The following PTPRD variants were observed in gnomAD, a reference collection of about 807,000 sequenced individuals.
The protein encoded by PTPRD is protein tyrosine phosphatase receptor type D.
In PTPRD, 34 loss-of-function variants were observed where a neutral mutation model predicts 214.5. That is an observed-to-expected ratio of 0.16 (90% CI 0.12 to 0.21). The LOEUF (loss-of-function observed/expected upper bound fraction) is 0.21. Among genes scored for constraint, PTPRD ranks in the 10% least tolerant of loss-of-function variants. PTPRD has a pLI of 1.00. For missense variants in PTPRD, 2,545 were observed against 2,398.7 expected (o/e 1.06, Z -1.27); for synonymous variants, 1,128 against 845.7 (o/e 1.33, Z -5.79).
intron 3 of PTPRD, among the ~76,000 whole-genome samples, chr9:10,132,960 ATTT>A (rs71306732): frequency 6.6e-6 from 1 of 151,646 alleles, no homozygotes; most frequent in Non-Finnish European, 1.5e-5. Context: ...CAAGATTGTT[ATTT>A]TGTAGCTTCT....
chr9:9,040,093 G>C (rs958835359), intron 10 of PTPRD, among the ~76,000 whole-genome samples: 2 of 152,080 alleles, frequency 1.3e-5, no homozygotes, highest in African/African-American at 4.8e-5. Context: ...CTCTGTGCTA[G>C]GCTCACAGAT....
intron 10 of PTPRD, among the ~76,000 whole-genome samples, chr9:9,148,788 T>C (rs563957320): frequency 1.3e-5 from 2 of 152,340 alleles, no homozygotes; most frequent in South Asian, 4.1e-4. Flanking sequence ...CATTCAGTGA[T>C]ATTTATTTCA....
At chr9:10,437,424 T>C (rs1271811147) in intron 2 of PTPRD, among the ~76,000 whole-genome samples, 1 of 151,808 alleles carries the variant, frequency 6.6e-6, no homozygotes, top group Admixed American at 6.6e-5. Flanking sequence ...GATGTGGTAT[T>C]TCCAATTTGA....
At chr9:8,674,607 T>C (rs1159276887) in intron 12 of PTPRD, among the ~76,000 whole-genome samples, 1 of 152,104 alleles carries the variant, frequency 6.6e-6, no homozygotes, top group Admixed American at 6.5e-5. Flanking sequence ...AGTAAGGCAC[T>C]AGCTGTGATT....
intron 8 of PTPRD, among the ~76,000 whole-genome samples, chr9:9,412,093 T>C (rs1468384458): frequency 1.3e-5 from 2 of 152,226 alleles, no homozygotes; most frequent in Non-Finnish European, 2.9e-5. Flanking sequence ...TACAGCCAAA[T>C]TTTATGTAAA....
intron 2 of PTPRD, among the ~76,000 whole-genome samples, chr9:10,420,117 AAAG>A (rs1377212080): frequency 6.6e-6 from 1 of 151,910 alleles, no homozygotes; most frequent in African/African-American, 2.4e-5. Flanking sequence ...AAATGAGTAA[AAAG>A]AGGAGGAAGA....
intron 7 of PTPRD, among the ~76,000 whole-genome samples, chr9:9,684,977 T>A (rs1027707817): frequency 1.3e-5 from 2 of 151,622 alleles, no homozygotes; most frequent in South Asian, 2.1e-4. Context: ...GAATCTTATT[T>A]CGGTTGATAG....
chr9:9,725,263 T>A (rs1008709920), intron 7 of PTPRD, among the ~76,000 whole-genome samples: 8 of 151,820 alleles, frequency 5.3e-5, no homozygotes, highest in Non-Finnish European at 1.2e-4. Context: ...TGATAGTGAA[T>A]AAGTCTCATG....
At chr9:9,251,111 A>G (rs1438796699) in intron 9 of PTPRD, among the ~76,000 whole-genome samples, 8 of 152,038 alleles carry the variant, frequency 5.3e-5, no homozygotes, top group Admixed American at 5.2e-4. Context: ...AGAATCAGAG[A>G]ACCAAGGACA....
intron 5 of PTPRD, among the ~76,000 whole-genome samples, chr9:9,881,850 C>T (rs1026625135): frequency 2.0e-5 from 3 of 152,050 alleles, no homozygotes; most frequent in Admixed American, 2.0e-4. Context: ...GGTTTGCATC[C>T]TCTTATACCT....
At chr9:9,624,010 G>A (rs999384880) in intron 7 of PTPRD, among the ~76,000 whole-genome samples, 4 of 152,068 alleles carry the variant, frequency 2.6e-5, no homozygotes, top group Non-Finnish European at 5.9e-5. Context: ...GCATTTCTGG[G>A]AATATGAGCT....
intron 4 of PTPRD, among the ~76,000 whole-genome samples, chr9:10,001,692 G>A (rs1375053742): frequency 1.3e-5 from 2 of 151,966 alleles, no homozygotes; most frequent in African/African-American, 4.8e-5. Flanking sequence ...TAAAATAAAT[G>A]GTTTAACACA....
chr9:9,850,053 T>G (rs1236164990), intron 5 of PTPRD, among the ~76,000 whole-genome samples: 2 of 152,064 alleles, frequency 1.3e-5, no homozygotes, highest in Non-Finnish European at 2.9e-5. Context: ...ACAGAGTAGT[T>G]ACCCAGATAT....
chr9:10,528,668 C>A (rs567968353), intron 2 of PTPRD, among the ~76,000 whole-genome samples: 1 of 152,152 alleles, frequency 6.6e-6, no homozygotes, highest in Non-Finnish European at 1.5e-5. Flanking sequence ...TGACACACAA[C>A]TTGTCCAGTA....
chr9:8,338,974 T>A lies in PTPRD; in HGVS notation c.5327A>T (p.Glu1776Val), dbSNP rs139059052. 1 of 1,612,502 alleles carries A rather than the reference T, an allele frequency of 6.2e-7. No homozygotes were observed. The highest frequency in any genetic ancestry group is 2.2e-5 in the East Asian group (1 of 44,834). The change falls in exon 43 of 46, where the codon GAG becomes GTG. Residue 1776 changes from glutamate to valine, a missense_variant. Transcript: ENST00000381196. ...TAGGATATACTGTGGCATGTTGTAC[T>A]CAGCCATGGGATCTACAACAAAGTA... ...YQYFVVDPMA[E>V]YNMPQYILRE...
rs887500584 is a variant in PTPRD at position 10,547,310 on chromosome 9, G to GT, written c.-600+65087dup. Among the ~76,000 whole-genome samples, 53 of 148,010 alleles carry GT rather than the reference G, an allele frequency of 3.6e-4. 1 individual carries two copies. Among genetic ancestry groups the GT allele is most frequent in the South Asian group, 1.7e-3 (8 of 4,658 alleles). ...GTTTGATTAATGGTTCTTACCAAGG[G>GT]TTTTTTTTTTCTTTTAAGTCACTGC... On this transcript the variant is annotated intron_variant, in intron 2 of 45. Coordinates refer to ENST00000381196, the MANE Select transcript of PTPRD (RefSeq NM_002839.4).
Position 8,567,369 on chromosome 9 carries a change from C to G in PTPRD, c.353-38590G>C, listed in dbSNP as rs529690295. Among the ~76,000 whole-genome samples, 31 of 152,252 alleles carry G rather than the reference C, an allele frequency of 2.0e-4. 1 individual carries two copies. Among genetic ancestry groups the G allele is most frequent in the Admixed American group, 2.0e-3 (31 of 15,286 alleles). The stretch of plus-strand genomic sequence containing the variant: ...GTCACTTTCTCCAAAATAATCTTCC[C>G]TGACCTCTTCTCCAATTTCAGATGA... On this transcript the variant is annotated intron_variant, in intron 14 of 45. Transcript: ENST00000381196.
chr9:9,004,430 G>A (rs1269355060), intron 11 of PTPRD, among the ~76,000 whole-genome samples: 1 of 151,614 alleles, frequency 6.6e-6, no homozygotes, highest in Non-Finnish European at 1.5e-5. Context: ...CACCTATATA[G>A]TATAAACTCT....
At position 9,998,324 on chromosome 9, in the gene PTPRD, G is replaced by T. The variant is rs550894831; in HGVS notation, c.-472+35394C>A. Among the ~76,000 whole-genome samples the T allele has an allele frequency of 6.4e-4, 96 of 150,956 alleles. No homozygotes were observed. In the South Asian group the frequency reaches 9.4e-3, roughly 15 times the overall value. On this transcript the variant is annotated intron_variant, in intron 4 of 45. Coordinates refer to ENST00000381196, the MANE Select transcript of PTPRD (RefSeq NM_002839.4). ...CGGGGCTCAAACCGTGGGTCCAGCA[G>T]CTCAAACTGCCATTATAGCACAGGA...
Sources: gnomAD v4.1 joint callset for allele counts (sites outside exome capture counted in the v4.1 genomes callset) on GRCh38, gnomAD v4.1.1 for gene constraint, MANE v1.5 for transcripts, NCBI Gene and HGNC (gene_info 2026-07-23, HGNC 2026-07-21) for gene names.